B4GALT5: variants seen among roughly 807,000 people sequenced by gnomAD.
B4GALT5 encodes beta-1,4-galactosyltransferase 5.
A neutral mutation model predicts 45.0 loss-of-function variants in B4GALT5; 11 were observed. That is an observed-to-expected ratio of 0.24 (90% CI 0.15 to 0.40). The LOEUF is 0.40. B4GALT5 is among the 10% of genes least tolerant of loss of function. The pLI, the probability that B4GALT5 is intolerant of heterozygous loss-of-function variation, is 1.00. For synonymous variants in B4GALT5, 185 were observed against 182.9 expected, an observed-to-expected ratio of 1.01 and a Z score of -0.09; for missense variants, 337 against 500.2, an observed-to-expected ratio of 0.67 and a Z score of 3.11.
chr20:49,698,113 G>C (rs1027544448), intron 1 of B4GALT5, among the ~76,000 whole-genome samples: 1 of 152,186 alleles, frequency 6.6e-6, no homozygotes, highest in Non-Finnish European at 1.5e-5. Context: ...CCTGAAGTCA[G>C]GAGTTCAAGA....
At chr20:49,668,332 A>G (rs1164042410) in intron 1 of B4GALT5, among the ~76,000 whole-genome samples, 1 of 152,096 alleles carries the variant, frequency 6.6e-6, no homozygotes, top group African/African-American at 2.4e-5. Flanking sequence ...TGTACATAAG[A>G]TTAGACATGA....
Position 49,700,359 on chromosome 20 carries a change from T to C in B4GALT5, c.115+13217A>G, listed in dbSNP as rs138778046. Among the ~76,000 whole-genome samples, 407 of 152,370 alleles carry C rather than the reference T, an allele frequency of 2.7e-3. 2 individuals carry two copies. Among genetic ancestry groups the C allele is most frequent in the African/African-American group, 8.8e-3 (364 of 41,594 alleles). On this transcript the variant is annotated intron_variant, in intron 1 of 8. Coordinates refer to ENST00000371711, the MANE Select transcript of B4GALT5 (RefSeq NM_004776.4). ...ATTTTTCTGAGAGAGTCTCACTCTG[T>C]TGCCCAGGCTGGAGTGATCATGGCT...
Position 49,713,644 on chromosome 20 carries a change from A to T in B4GALT5, c.47T>A (p.Leu16His). The part of the protein sequence containing the change: ...GLLRLPRRSL[L>H]AALFFFSLSS... ...GAGAGAAAAGAAGAAGAGCGCGGCG[A>T]GCAGCGAGCGGCGCGGCAGCCGCAG... The change falls in exon 1 of 9, where the codon CTC (leucine) becomes CAC (histidine). Residue 16 changes from leucine to histidine, a missense_variant. Leu to His is a moderately conservative substitution (Grantham distance 99, BLOSUM62 -3). Transcript: ENST00000371711. The T allele has an allele frequency of 6.3e-7, 1 of 1,575,714 alleles. No homozygotes were observed.
intron 1 of B4GALT5, among the ~76,000 whole-genome samples, chr20:49,696,814 T>C (rs2085841365): frequency 1.3e-5 from 2 of 152,324 alleles, no homozygotes; most frequent in Middle Eastern, 3.4e-3. Flanking sequence ...GTAACATTTG[T>C]TAGATCCTAA....
At chr20:49,642,354 C>A (rs919898659) in intron 5 of B4GALT5, 114 bp downstream of exon 5, 2 of 798,788 alleles carry the variant, frequency 2.5e-6, no homozygotes, top group East Asian at 4.9e-5. Context: ...TCAGGCAACT[C>A]GATCCTAAGA....
chr20:49,704,199 G>A (rs1048116490), intron 1 of B4GALT5, among the ~76,000 whole-genome samples: 2 of 152,112 alleles, frequency 1.3e-5, no homozygotes, highest in Non-Finnish European at 1.5e-5. Context: ...GAGCAGCTCT[G>A]TGAGGAAAAA....
intron 1 of B4GALT5, among the ~76,000 whole-genome samples, chr20:49,670,395 C>T (rs73910585): frequency 0.091 from 13,812 of 152,076 alleles, 702 homozygotes; most frequent in Admixed American, 0.14. Flanking sequence ...GACCTTTTTT[C>T]CTTCTGTTTT....
At chr20:49,654,421 G>A (rs935925665) in intron 2 of B4GALT5, among the ~76,000 whole-genome samples, 4 of 152,220 alleles carry the variant, frequency 2.6e-5, no homozygotes, top group African/African-American at 9.6e-5. Context: ...CAGAGCTCAG[G>A]TAACTTGACC....
intron 1 of B4GALT5, among the ~76,000 whole-genome samples, chr20:49,695,678 G>A (rs1225093735): frequency 6.6e-6 from 1 of 152,198 alleles, no homozygotes; most frequent in East Asian, 1.9e-4. Context: ...TAGGATTACA[G>A]GTGTGAGCCA....
At chr20:49,639,359 GGTGT>G (rs34688851) in intron 7 of B4GALT5, among the ~76,000 whole-genome samples, 23 of 149,404 alleles carry the variant, frequency 1.5e-4, no homozygotes, top group African/African-American at 3.9e-4. Context: ...GGATGTGTGT[GGTGT>G]GTGTGTGTGT....
At position 49,687,730 on chromosome 20, in the gene B4GALT5, G is replaced by A. The variant is rs188523535; in HGVS notation, c.115+25846C>T. On this transcript the variant is annotated intron_variant, in intron 1 of 8. Coordinates refer to ENST00000371711, the MANE Select transcript of B4GALT5 (RefSeq NM_004776.4). ...GAATATTTCTTCCTTAGTAAATGGA[G>A]CACAGACTAGCATCACCTTTTCTGC... is the stretch of plus-strand genomic sequence containing the variant. Among the ~76,000 whole-genome samples the A allele has an allele frequency of 1.4e-3, 216 of 152,166 alleles. 3 individuals are homozygous for A. The highest frequency in any genetic ancestry group is 4.8e-3 in the African/African-American group (198 of 41,510).
chr20:49,697,192 C>T (rs1445174273), intron 1 of B4GALT5, among the ~76,000 whole-genome samples: 1 of 152,220 alleles, frequency 6.6e-6, no homozygotes, highest in Admixed American at 6.5e-5. Flanking sequence ...TCTCAGAAGA[C>T]AAGGCCAGGG....
At chr20:49,657,750 G>A (rs551319271) in intron 1 of B4GALT5, among the ~76,000 whole-genome samples, 38 of 152,196 alleles carry the variant, frequency 2.5e-4, no homozygotes, top group African/African-American at 8.7e-4. Context: ...TGTGGATTCC[G>A]GCTCTTTGAC....
At chr20:49,649,845 G>A (rs1036236005) in intron 2 of B4GALT5, among the ~76,000 whole-genome samples, 1 of 152,126 alleles carries the variant, frequency 6.6e-6, no homozygotes, top group African/African-American at 2.4e-5. Context: ...TTTGTGATAC[G>A]CCCATGTGTG....
At position 49,664,754 on chromosome 20, in the gene B4GALT5, T is replaced by TG. The variant is rs148043937; in HGVS notation, c.116-8053dup. ...GCGCTTATTCTCAGGAGATGTATAT[T>TG]GAAGTATTTAGAGGTTTCGCATCAT... is the stretch of plus-strand genomic sequence containing the variant. On this transcript the variant is annotated intron_variant, in intron 1 of 8. Transcript: ENST00000371711. Among the ~76,000 whole-genome samples, 640 of 152,330 alleles carry TG rather than the reference T, an allele frequency of 4.2e-3. 3 individuals carry two copies. Among genetic ancestry groups the TG allele is most frequent in the African/African-American group, 0.015 (618 of 41,570 alleles).
At position 49,686,665 on chromosome 20, in the gene B4GALT5, C is replaced by T. The variant is rs145046101; in HGVS notation, c.115+26911G>A. On this transcript the variant is annotated intron_variant, in intron 1 of 8. Coordinates refer to ENST00000371711, the MANE Select transcript of B4GALT5 (RefSeq NM_004776.4). ...ACTTTGGGAGACCGAGGCAAGAGGACCTCTTGAGGCCAAGGGTTCTTGCTA... is the reference window on the plus strand; with the variant it reads ...ACTTTGGGAGACCGAGGCAAGAGGATCTCTTGAGGCCAAGGGTTCTTGCTA... 1.4e-3 allele frequency among the ~76,000 whole-genome samples: 205 copies of T among 146,312 alleles called. 1 individual carries two copies. The highest frequency in any genetic ancestry group is 5.7e-3 in the South Asian group (26 of 4,594).
At chr20:49,694,567 G>A (rs553321601) in intron 1 of B4GALT5, among the ~76,000 whole-genome samples, 3 of 151,872 alleles carry the variant, frequency 2.0e-5, no homozygotes, top group Non-Finnish European at 2.9e-5. Context: ...GGCCCAGGAG[G>A]TAAAGGCTGC....
chr20:49,712,167 CCTTTA>C (rs1311032322), intron 1 of B4GALT5, among the ~76,000 whole-genome samples: 2 of 152,152 alleles, frequency 1.3e-5, no homozygotes, highest in Non-Finnish European at 2.9e-5. Context: ...GTAATAGCTG[CCTTTA>C]TTTACTTATT....
At chr20:49,643,193 T>C (rs2085584211) in intron 4 of B4GALT5, among the ~76,000 whole-genome samples, 1 of 152,246 alleles carries the variant, frequency 6.6e-6, no homozygotes, top group Non-Finnish European at 1.5e-5. Flanking sequence ...AATCTTGTAG[T>C]AACCAATGGA....
Sources: gnomAD v4.1 joint callset for allele counts (sites outside exome capture counted in the v4.1 genomes callset) on GRCh38, gnomAD v4.1.1 for gene constraint, MANE v1.5 for transcripts, NCBI Gene and HGNC (gene_info 2026-07-23, HGNC 2026-07-21) for gene names.